Variants in CNTNAP2 observed in about 807,000 individuals in gnomAD.
CNTNAP2 encodes the protein contactin associated protein 2, also known as contactin-associated protein-like 2.
Under a neutral mutation model 155.2 loss-of-function variants are expected in CNTNAP2, and 98 were observed. The ratio of observed to expected loss-of-function variants is 0.63; its 90% CI spans 0.54 to 0.75. CNTNAP2 has a LOEUF of 0.75. Among genes scored for constraint, CNTNAP2 ranks in the 30% least tolerant of loss-of-function variants. The probability of loss-of-function intolerance (pLI) is 0.00; values close to 1 mark genes in which losing one functional copy is unlikely to be tolerated. For synonymous variants in CNTNAP2, 651 were observed against 631.2 expected (o/e 1.03, Z -0.47); for missense variants, 1,727 against 1,688.1 (o/e 1.02, Z -0.40).
intron 1 of CNTNAP2, among the ~76,000 whole-genome samples, chr7:146,372,391 A>C (rs1291526280): frequency 6.7e-6 from 1 of 149,344 alleles, no homozygotes; most frequent in Non-Finnish European, 1.5e-5. Context: ...AACCAAAAAG[A>C]GATAGACAGA....
At chr7:147,032,353 T>G (rs1799051577) in intron 3 of CNTNAP2, among the ~76,000 whole-genome samples, 2 of 152,194 alleles carry the variant, frequency 1.3e-5, no homozygotes, top group South Asian at 4.1e-4. Context: ...CATATTCCAG[T>G]CTCTTGGACA....
At chr7:146,640,042 G>A (rs538090652) in intron 1 of CNTNAP2, among the ~76,000 whole-genome samples, 24 of 152,166 alleles carry the variant, frequency 1.6e-4, no homozygotes, top group Non-Finnish European at 2.4e-4. Context: ...TAAGTTCCAC[G>A]GCAGGGTGCC....
intron 14 of CNTNAP2, among the ~76,000 whole-genome samples, chr7:147,940,595 C>T (rs894865140): frequency 7.9e-5 from 12 of 152,074 alleles, no homozygotes. Context: ...AGTGCAGTGG[C>T]GTGAACACAA....
intron 1 of CNTNAP2, among the ~76,000 whole-genome samples, chr7:146,248,871 T>G (rs1392801874): frequency 2.0e-5 from 3 of 152,144 alleles, no homozygotes; most frequent in Non-Finnish European, 4.4e-5. Context: ...CAATAAAAGC[T>G]TTTAATCACC....
chr7:146,365,203 C>A (rs2129101686), intron 1 of CNTNAP2, among the ~76,000 whole-genome samples: 2 of 152,274 alleles, frequency 1.3e-5, no homozygotes, highest in South Asian at 4.1e-4. Flanking sequence ...TTATCATAAT[C>A]ATGTCTACCC....
chr7:147,998,103 C>CTTTTTTTTT (rs71188938), intron 15 of CNTNAP2, among the ~76,000 whole-genome samples: 5 of 75,806 alleles, frequency 6.6e-5, no homozygotes, highest in Non-Finnish European at 1.2e-4. Context: ...TTTCTTTTTT[C>CTTTTTTTTT]TTTTTTTTTT....
At chr7:148,172,948 GCTC>G (rs1562983541) in intron 18 of CNTNAP2, among the ~76,000 whole-genome samples, 1 of 152,116 alleles carries the variant, frequency 6.6e-6, no homozygotes, top group African/African-American at 2.4e-5. Context: ...TCACCAGAAA[GCTC>G]CTCTGGTCAG....
chr7:147,070,779 C>A (rs1479754464), intron 4 of CNTNAP2, among the ~76,000 whole-genome samples: 1 of 152,142 alleles, frequency 6.6e-6, no homozygotes, highest in Non-Finnish European at 1.5e-5. Context: ...TCACAAATTT[C>A]TCTTGAATAT....
At position 147,635,198 on chromosome 7, in the gene CNTNAP2, A is replaced by ATATATATATATATATATATATATATG. The variant is rs1554415300; in HGVS notation, c.1898-3905_1898-3904insATATATATATATATATATATATGTAT. On this transcript the variant is annotated intron_variant, in intron 12 of 23. Coordinates refer to ENST00000361727, the MANE Select transcript of CNTNAP2 (RefSeq NM_014141.6). Reference sequence around the variant, plus strand: ...TCACTGGCAAACTATATATATATATATATGTTTAATTTTAATTATTTTGCT... The same window carrying ATATATATATATATATATATATATATG: ...TCACTGGCAAACTATATATATATATATATATATATATATATATATATATATGTATGTTTAATTTTAATTATTTTGCT... Among the ~76,000 whole-genome samples the ATATATATATATATATATATATATATG allele has an allele frequency of 1.0e-3, 156 of 149,168 alleles. 1 individual carries two copies. Among genetic ancestry groups the ATATATATATATATATATATATATATG allele is most frequent in the African/African-American group, 3.3e-3 (131 of 39,382 alleles).
At chr7:146,194,124 C>G (rs1798744601) in intron 1 of CNTNAP2, among the ~76,000 whole-genome samples, 1 of 152,176 alleles carries the variant, frequency 6.6e-6, no homozygotes, top group African/African-American at 2.4e-5. Flanking sequence ...ATTTTCCTGT[C>G]TTCTTCTGAG....
intron 1 of CNTNAP2, among the ~76,000 whole-genome samples, chr7:146,566,646 G>T (rs191303856): frequency 4.0e-5 from 6 of 151,860 alleles, no homozygotes; most frequent in Non-Finnish European, 8.8e-5. Flanking sequence ...GCAGTGGGCC[G>T]AGATCGCACC....
intron 1 of CNTNAP2, among the ~76,000 whole-genome samples, chr7:146,610,030 A>G (rs924646562): frequency 6.6e-6 from 1 of 152,218 alleles, no homozygotes; most frequent in African/African-American, 2.4e-5. Context: ...AGTTCCATGA[A>G]CACTAAAGGC....
chr7:146,573,017 T>C (rs1798466346), intron 1 of CNTNAP2, among the ~76,000 whole-genome samples: 1 of 152,180 alleles, frequency 6.6e-6, no homozygotes, highest in Non-Finnish European at 1.5e-5. Context: ...CAAATATTAA[T>C]ATATAATGTC....
chr7:147,157,769 G>T (rs1801954398), intron 8 of CNTNAP2, among the ~76,000 whole-genome samples: 1 of 152,096 alleles, frequency 6.6e-6, no homozygotes, highest in Admixed American at 6.6e-5. Context: ...ATGAACAAAT[G>T]AATGAATAAA....
At chr7:146,800,175 C>A (rs995876669) in intron 2 of CNTNAP2, among the ~76,000 whole-genome samples, 2 of 152,142 alleles carry the variant, frequency 1.3e-5, no homozygotes, top group African/African-American at 4.8e-5. Context: ...GCAACACTAG[C>A]TATTCAAACA....
intron 14 of CNTNAP2, among the ~76,000 whole-genome samples, chr7:147,960,673 G>A (rs549935833): frequency 6.6e-6 from 1 of 152,222 alleles, no homozygotes; most frequent in East Asian, 1.9e-4. Flanking sequence ...CACAGGATGA[G>A]CTCAACATCC....
intron 21 of CNTNAP2, among the ~76,000 whole-genome samples, chr7:148,297,787 T>C (rs948867072): frequency 6.6e-6 from 1 of 152,174 alleles, no homozygotes; most frequent in African/African-American, 2.4e-5. Context: ...AGTTTTCTTT[T>C]TTCAGTGCTG....
rs13310569 is a variant in CNTNAP2 at position 147,083,567 on chromosome 7, C to T, written c.551-24580C>T. Among the ~76,000 whole-genome samples the T allele has an allele frequency of 9.8e-4, 138 of 140,222 alleles. 1 individual carries two copies. Among genetic ancestry groups the T allele is most frequent in the African/African-American group, 2.7e-3 (101 of 37,614 alleles). 92.0% of individuals were successfully genotyped at this position (140,222 alleles called of 152,430 possible). On this transcript the variant is annotated intron_variant, in intron 4 of 23. Transcript: ENST00000361727. ...ATATATATGTATATATATATATACA[C>T]ATATATATGTATATATATATACACA...
chr7:146,587,695 G>T (rs920050601), intron 1 of CNTNAP2, among the ~76,000 whole-genome samples: 1 of 150,654 alleles, frequency 6.6e-6, no homozygotes, highest in Admixed American at 6.6e-5. Context: ...TTTTTGAGAC[G>T]GAATTTTGCC....
Sources: gnomAD v4.1 joint callset for allele counts (sites outside exome capture counted in the v4.1 genomes callset) on GRCh38, gnomAD v4.1.1 for gene constraint, MANE v1.5 for transcripts, NCBI Gene and HGNC (gene_info 2026-07-23, HGNC 2026-07-21) for gene names.